Variants in AMOT observed in about 807,000 individuals in gnomAD.
AMOT encodes angiomotin.
A neutral mutation model predicts 67.0 loss-of-function variants in AMOT; 11 were observed. The ratio of observed to expected loss-of-function variants is 0.16; its 90% CI spans 0.10 to 0.27. The LOEUF (loss-of-function observed/expected upper bound fraction) is 0.27, where lower values mean the gene tolerates loss of function less well. AMOT is among the 10% of genes least tolerant of loss of function. The probability of loss-of-function intolerance (pLI) is 1.00; values close to 1 mark genes in which losing one functional copy is unlikely to be tolerated. For synonymous variants in AMOT, 326 were observed against 321.4 expected, an observed-to-expected ratio of 1.01 and a Z score of -0.15; for missense variants, 753 against 852.0, an observed-to-expected ratio of 0.88 and a Z score of 1.45.
At chrX:112,811,502 A>G in intron 5 of AMOT, 109 bp from the exon 6 acceptor site, 16 of 901,744 alleles carry the variant, frequency 1.8e-5, no homozygotes, top group Non-Finnish European at 2.5e-5. Context: ...GGGCTCACAG[A>G]TGGCCAGGAG....
intron 1 of AMOT, among the ~76,000 whole-genome samples, chrX:112,833,482 G>C (rs941504737): frequency 3.7e-4 from 38 of 102,852 alleles, no homozygotes; most frequent in African/African-American, 9.1e-4. Flanking sequence ...GAGTAAAGGG[G>C]GGGGGGGGGT....
intron 1 of AMOT, among the ~76,000 whole-genome samples, chrX:112,838,856 A>G (rs1182764196): frequency 8.9e-6 from 1 of 112,442 alleles, no homozygotes; most frequent in Non-Finnish European, 1.9e-5. Context: ...AAAATGAAGT[A>G]TGATGTAGTG....
At chrX:112,827,721 C>A (rs1357882586) in intron 2 of AMOT, among the ~76,000 whole-genome samples, 1 of 111,878 alleles carries the variant, frequency 8.9e-6, no homozygotes. Flanking sequence ...GAGGTTGAGC[C>A]AAAACACATT....
At chrX:112,817,802 C>A (rs183948454) in intron 4 of AMOT, among the ~76,000 whole-genome samples, 287 of 112,235 alleles carry the variant, frequency 2.6e-3, no homozygotes, top group Non-Finnish European at 4.7e-3. Flanking sequence ...TGCTGCCATA[C>A]ATAATATTTT....
At chrX:112,831,456 T>G (rs1229529845) in intron 2 of AMOT, among the ~76,000 whole-genome samples, 3 of 88,823 alleles carry the variant, frequency 3.4e-5, no homozygotes, top group Non-Finnish European at 5.9e-5. Flanking sequence ...AATAAATAAA[T>G]AAATAAATAA....
intron 8 of AMOT, among the ~76,000 whole-genome samples, chrX:112,796,055 A>C (rs1239620278): frequency 9.1e-6 from 1 of 109,909 alleles, no homozygotes; most frequent in Non-Finnish European, 1.9e-5. Flanking sequence ...AAACAGGGCT[A>C]GATACATGAT....
At chrX:112,782,954 G>A (rs753737826) in intron 10 of AMOT, among the ~76,000 whole-genome samples, 6 of 111,412 alleles carry the variant, frequency 5.4e-5, no homozygotes, top group Non-Finnish European at 1.1e-4. Context: ...AAACCTTCTG[G>A]CAGATAGCCC....
chrX:112,796,030 G>GT (rs1933800819), intron 8 of AMOT, among the ~76,000 whole-genome samples: 1 of 95,428 alleles, frequency 1.0e-5, no homozygotes, highest in African/African-American at 4.9e-5. Flanking sequence ...GATTTCAGAA[G>GT]TTTAAAAAAA....
chrX:112,834,744 A>C (rs1935091050), intron 1 of AMOT, among the ~76,000 whole-genome samples: 1 of 113,056 alleles, frequency 8.8e-6, no homozygotes, highest in Non-Finnish European at 1.9e-5. Context: ...TAAAACGTGC[A>C]TGCGCACACA....
chrX:112,804,809 G>A (rs1366985281), intron 8 of AMOT, 138 bp downstream of exon 8: 2 of 863,051 alleles, frequency 2.3e-6, no homozygotes. Flanking sequence ...CATCAGCACA[G>A]TGGAAACTAG....
At chrX:112,814,316 T>A (rs1934472000) in intron 5 of AMOT, among the ~76,000 whole-genome samples, 1 of 110,041 alleles carries the variant, frequency 9.1e-6, no homozygotes, top group African/African-American at 3.3e-5. Flanking sequence ...CATCTGCTGA[T>A]AATAAGCCCC....
At position 112,779,837 on chromosome X, in the gene AMOT, T is replaced by C. The variant is rs749444649; in HGVS notation, c.2474-157A>G. Among the ~76,000 whole-genome samples, 5 of 109,913 alleles carry C rather than the reference T, an allele frequency of 4.5e-5. No individual in the cohort carries two copies. In the East Asian group the frequency reaches 8.4e-4, roughly 19 times the overall value. ...TTTAAAATATTATTATTTTTAAATA[T>C]TAAATAATTTAGAATAGTCTAAGTT... is the stretch of plus-strand genomic sequence containing the variant. On this transcript the variant is annotated intron_variant, in intron 12 of 13. Coordinates refer to ENST00000371959, the MANE Select transcript of AMOT (RefSeq NM_001113490.2).
chrX:112,808,619 AC>A (rs1427443727), intron 7 of AMOT, among the ~76,000 whole-genome samples: 1 of 112,045 alleles, frequency 8.9e-6, no homozygotes, highest in Non-Finnish European at 1.9e-5. Flanking sequence ...CTAAGTTACC[AC>A]ATTTTATAAA....
intron 4 of AMOT, among the ~76,000 whole-genome samples, chrX:112,817,202 G>C (rs1569403136): frequency 8.9e-6 from 1 of 111,954 alleles, no homozygotes; most frequent in Non-Finnish European, 1.9e-5. Context: ...GTGTAACTTG[G>C]TGCAAGTTAC....
chrX:112,815,694 C>A lies in AMOT; in HGVS notation c.1056G>T (p.Pro352=), dbSNP rs763727542. Reference sequence around the variant, plus strand: ...CCTGATTAGGAAGGAAATGCTGCTGCGGCCTAGGCAGGTGAGCTGAATGGT... The same window carrying A: ...CCTGATTAGGAAGGAAATGCTGCTGAGGCCTAGGCAGGTGAGCTGAATGGT... ...QGDHSAHLPR[P]QQHFLPNQAH... Residue 352 remains proline (P), a synonymous_variant, in exon 5 of 14, where the codon CCG becomes CCT. Transcript: ENST00000371959. The A allele has an allele frequency of 1.7e-5, 20 of 1,167,509 alleles. No individual in the cohort carries two copies. The highest frequency in any genetic ancestry group is 2.2e-5 in the Non-Finnish European group (19 of 874,092).
At position 112,779,568 on chromosome X, in the gene AMOT, G is replaced by A. The variant is rs145196304; in HGVS notation, c.2586C>T (p.Cys862=). ...CCGTCCCACGTTCAGTTTGGGTACT[G>A]CAGTCTCGGCTGCCTGTCTTGGAGT... The part of the protein sequence containing the change: ...SAHSKTGSRD[C]STQTERGTES... The change falls in exon 13 of 14, where the codon TGC becomes TGT. Residue 862 remains cysteine (C), a synonymous_variant. Transcript: ENST00000371959. 4 of 1,208,926 alleles carry A rather than the reference G, an allele frequency of 3.3e-6. No individual in the cohort carries two copies. In the African/African-American group the frequency reaches 5.3e-5, roughly 16 times the overall value.
intron 2 of AMOT, among the ~76,000 whole-genome samples, chrX:112,827,534 G>C (rs1184648388): frequency 8.9e-6 from 1 of 111,891 alleles, no homozygotes; most frequent in Admixed American, 9.5e-5. Context: ...TGTTTGTCCT[G>C]GGCACACAGA....
Position 112,782,589 on chromosome X carries a change from C to G in AMOT, c.2191G>C (p.Glu731Gln). The change falls in exon 11 of 14, where the codon GAG (glutamate) becomes CAG (glutamine). Residue 731 changes from glutamate (E) to glutamine (Q), a missense_variant. By Grantham distance (29) the Glu-to-Gln change is conservative. Transcript: ENST00000371959. The part of the protein sequence containing the change: ...TALEARIQKE[E>Q]EEILMANKRC... ...TTATTGGCCATCAAGATTTCTTCCT[C>G]CTCTTTCTGGATGCGAGCTTCTAGA... 1 of 1,211,726 alleles carries G rather than the reference C, an allele frequency of 8.3e-7. No homozygotes were observed. The highest frequency in any genetic ancestry group is 1.1e-6 in the Non-Finnish European group (1 of 895,403).
chrX:112,785,212 A>C (rs1470039834), intron 10 of AMOT, among the ~76,000 whole-genome samples: 2 of 112,386 alleles, frequency 1.8e-5, no homozygotes, highest in Non-Finnish European at 3.8e-5. Flanking sequence ...CCCAAACTGC[A>C]TATTCCTGAT....
Sources: gnomAD v4.1 joint callset for allele counts (sites outside exome capture counted in the v4.1 genomes callset) on GRCh38, gnomAD v4.1.1 for gene constraint, MANE v1.5 for transcripts, NCBI Gene and HGNC (gene_info 2026-07-23, HGNC 2026-07-21) for gene names.